Variants in RIMBP2 observed in about 807,000 individuals in gnomAD.
RIMBP2 encodes RIMS binding protein 2.
A neutral mutation model predicts 118.6 loss-of-function variants in RIMBP2; 48 were observed. The ratio of observed to expected loss-of-function variants is 0.40; its 90% CI spans 0.32 to 0.51. The LOEUF (loss-of-function observed/expected upper bound fraction) is 0.51. RIMBP2 is among the 20% of genes least tolerant of loss of function. The pLI, the probability that RIMBP2 is intolerant of heterozygous loss-of-function variation, is 0.41. For missense variants in RIMBP2, 1,551 were observed against 1,768.3 expected (o/e 0.88, Z 2.20); for synonymous variants, 762 against 742.9 (o/e 1.03, Z -0.42).
At chr12:130,489,033 A>G (rs1256066009) in intron 4 of RIMBP2, among the ~76,000 whole-genome samples, 2 of 152,216 alleles carry the variant, frequency 1.3e-5, no homozygotes, top group East Asian at 3.8e-4. Flanking sequence ...TGGGGAGTTG[A>G]GAAAATGGAG....
At position 130,442,413 on chromosome 12, in the gene RIMBP2, G is replaced by A. The variant is rs367835655; in HGVS notation, c.939C>T (p.Ile313=). 87 of 1,614,034 alleles carry A rather than the reference G, an allele frequency of 5.4e-5. No homozygotes were observed. Among genetic ancestry groups the A allele is most frequent in the African/African-American group, 3.7e-4 (28 of 74,912 alleles). The change falls in exon 11 of 23, where the codon ATC becomes ATT. Residue 313 remains isoleucine, a synonymous_variant. Coordinates refer to ENST00000690449, the MANE Select transcript of RIMBP2 (RefSeq NM_001393629.1). This position sits in a 1 kb window ranked among gnomAD's most constrained non-coding sequence, Gnocchi z 6.9. ...DVNIDDIGED[I]VPYPRKITLI... Reference sequence around the variant, plus strand: ...GGGTGATTTTTCTAGGGTAAGGCACGATGTCTTCTCCGATGTCGTCGATGT... The same window carrying A: ...GGGTGATTTTTCTAGGGTAAGGCACAATGTCTTCTCCGATGTCGTCGATGT...
At chr12:130,501,009 G>A (rs991151148) in intron 4 of RIMBP2, among the ~76,000 whole-genome samples, 3 of 152,158 alleles carry the variant, frequency 2.0e-5, no homozygotes, top group East Asian at 3.9e-4. Flanking sequence ...CAGGGGTCAC[G>A]ACACACTCCA....
At chr12:130,456,464 C>G (rs774527120) in intron 7 of RIMBP2, 32 bp downstream of exon 7, 17 of 1,533,296 alleles carry the variant, frequency 1.1e-5, no homozygotes, top group Non-Finnish European at 1.4e-5. Flanking sequence ...TCTCTCCCCA[C>G]CACAGCCAAG....
intron 6 of RIMBP2, among the ~76,000 whole-genome samples, chr12:130,461,216 T>C (rs4759688): frequency 0.94 from 143,514 of 152,274 alleles, 68,225 homozygotes; most frequent in East Asian, 1. Context: ...GTAGGGACGC[T>C]GGCTCTGCCC....
In RIMBP2 at chr12:130,710,607, G is replaced by A. The variant is rs1949844480; in HGVS notation, c.-352+5615C>T. 6.6e-6 allele frequency among the ~76,000 whole-genome samples: 1 copy of A among 152,028 alleles called. No individual in the cohort carries two copies. The highest frequency in any genetic ancestry group is 2.1e-4 in the South Asian group (1 of 4,822). On this transcript the variant is annotated intron_variant, in intron 1 of 22. Coordinates refer to ENST00000690449, the MANE Select transcript of RIMBP2 (RefSeq NM_001393629.1). The surrounding 1 kb of genome is among the most constrained non-coding windows in gnomAD (Gnocchi z 4.3). The stretch of plus-strand genomic sequence containing the variant: ...TGAATAGGTCATGCCCTGCCTTCCT[G>A]GGTCCCACACAGATAGAGAAGTGGC...
chr12:130,699,164 G>A lies in RIMBP2; in HGVS notation c.-352+17058C>T, dbSNP rs550599809. On this transcript the variant is annotated intron_variant, in intron 1 of 22. Coordinates refer to ENST00000690449, the MANE Select transcript of RIMBP2 (RefSeq NM_001393629.1). Reference sequence around the variant, plus strand: ...ACTAGTTCAACCATTGTGGAAGTCAGTGTGGCAATTCCTCAGGGATCTAGA... The same window carrying A: ...ACTAGTTCAACCATTGTGGAAGTCAATGTGGCAATTCCTCAGGGATCTAGA... 2.0e-5 allele frequency among the ~76,000 whole-genome samples: 3 copies of A among 152,312 alleles called. No homozygotes were observed. In the East Asian group the frequency reaches 5.8e-4, roughly 29 times the overall value.
chr12:130,674,643 A>G (rs1297967433), intron 1 of RIMBP2, among the ~76,000 whole-genome samples: 4 of 152,158 alleles, frequency 2.6e-5, no homozygotes, highest in Admixed American at 2.6e-4. Context: ...GAAATTGACC[A>G]TTTTTATACA....
chr12:130,653,399 C>A (rs2063305312), intron 1 of RIMBP2, among the ~76,000 whole-genome samples: 1 of 152,266 alleles, frequency 6.6e-6, no homozygotes, highest in African/African-American at 2.4e-5. Context: ...CCGTGCCCCA[C>A]ATCCGGGCAC....
At chr12:130,433,145 C>A (rs2077259728) in intron 14 of RIMBP2, among the ~76,000 whole-genome samples, 1 of 152,172 alleles carries the variant, frequency 6.6e-6, no homozygotes, top group Non-Finnish European at 1.5e-5. Flanking sequence ...AGAGGACCGG[C>A]CTTACACACA....
intron 2 of RIMBP2, among the ~76,000 whole-genome samples, chr12:130,625,942 A>G (rs1231797158): frequency 6.6e-6 from 1 of 152,220 alleles, no homozygotes; most frequent in Non-Finnish European, 1.5e-5. Flanking sequence ...ACTCTTTGAA[A>G]GTGTTCTTAA....
rs921852613 is a variant in RIMBP2 at position 130,576,428 on chromosome 12, G to A, written c.-217+51894C>T. Among the ~76,000 whole-genome samples, 1 of 152,068 alleles carries A rather than the reference G, an allele frequency of 6.6e-6. No homozygotes were observed. The highest frequency in any genetic ancestry group is 2.4e-5 in the African/African-American group (1 of 41,434). On this transcript the variant is annotated intron_variant, in intron 2 of 22. Transcript: ENST00000690449. This position sits in a 1 kb window ranked among gnomAD's most constrained non-coding sequence, Gnocchi z 4.2. ...AGAGCCCTAAACACACTACCCGTGGGCAGCTGGCAGGTGGCCAGCTGCATG... is the reference window on the plus strand; with the variant it reads ...AGAGCCCTAAACACACTACCCGTGGACAGCTGGCAGGTGGCCAGCTGCATG...
At chr12:130,453,459 T>TA (rs758074617) in intron 7 of RIMBP2, among the ~76,000 whole-genome samples, 7 of 152,244 alleles carry the variant, frequency 4.6e-5, no homozygotes, top group Non-Finnish European at 8.8e-5. Context: ...GATGAACAGG[T>TA]AAAAAATACA....
At chr12:130,439,348 TG>T (rs1227026863) in intron 11 of RIMBP2, among the ~76,000 whole-genome samples, 1 of 151,074 alleles carries the variant, frequency 6.6e-6, no homozygotes, top group Non-Finnish European at 1.5e-5. Context: ...TGTGTGTAGA[TG>T]TGTGGGCATG....
chr12:130,664,423 A>ACACGCACGCACGCACACGCG (rs2063811008), intron 1 of RIMBP2, among the ~76,000 whole-genome samples: 5 of 88,912 alleles, frequency 5.6e-5, no homozygotes, highest in African/African-American at 1.1e-4. Flanking sequence ...ACACACACGC[A>ACACGCACGCACGCACACGCG]CACACATGCA....
At chr12:130,646,382 A>ACCACTTGCCTCTCCACCTGCCTCT (rs2062956811) in intron 1 of RIMBP2, among the ~76,000 whole-genome samples, 2 of 45,564 alleles carry the variant, frequency 4.4e-5, no homozygotes, top group Admixed American at 2.0e-4. Context: ...CACCTCCCTC[A>ACCACTTGCCTCTCCACCTGCCTCT]CCACCTCCCT....
chr12:130,619,507 T>C (rs1388943353), intron 2 of RIMBP2, among the ~76,000 whole-genome samples: 1 of 152,188 alleles, frequency 6.6e-6, no homozygotes, highest in Non-Finnish European at 1.5e-5. Context: ...TGCATGTGAG[T>C]CACCCATGCT....
intron 4 of RIMBP2, among the ~76,000 whole-genome samples, chr12:130,482,839 G>T (rs1289596245): frequency 3.5e-5 from 5 of 141,184 alleles, no homozygotes. Flanking sequence ...CTGCAGGGGA[G>T]GGGGCAGACC....
At chr12:130,520,395 T>C (rs887705454) in intron 2 of RIMBP2, among the ~76,000 whole-genome samples, 1 of 152,016 alleles carries the variant, frequency 6.6e-6, no homozygotes, top group Non-Finnish European at 1.5e-5. Flanking sequence ...GGGCACACCC[T>C]ACCCTAAAAA....
rs1009852300 is a variant in RIMBP2, at chr12:130,581,453, T to C, written c.-217+46869A>G. On this transcript the variant is annotated intron_variant, in intron 2 of 22. Transcript: ENST00000690449. This position sits in a 1 kb window ranked among gnomAD's most constrained non-coding sequence, Gnocchi z 4.4. ...CTCCAAGGTCCATGCTCACCCCCACTGCCCACCCAGCCTGTCCCAGTGGAG... is the reference window on the plus strand; with the variant it reads ...CTCCAAGGTCCATGCTCACCCCCACCGCCCACCCAGCCTGTCCCAGTGGAG... 6.6e-6 allele frequency among the ~76,000 whole-genome samples: 1 copy of C among 152,188 alleles called. No individual in the cohort carries two copies. The highest frequency in any genetic ancestry group is 2.4e-5 in the African/African-American group (1 of 41,454).
Sources: gnomAD v4.1 joint callset for allele counts (sites outside exome capture counted in the v4.1 genomes callset) on GRCh38, gnomAD v4.1.1 for gene constraint, Gnocchi (gnomAD v3.1) non-coding constraint, MANE v1.5 for transcripts, NCBI Gene and HGNC (gene_info 2026-07-23, HGNC 2026-07-21) for gene names.